The following CTNNA2 variants were observed in gnomAD, a reference collection of about 807,000 sequenced individuals.
CTNNA2 encodes the protein catenin alpha 2.
Under a neutral mutation model 101.0 loss-of-function variants are expected in CTNNA2, and 42 were observed. That is an observed-to-expected ratio of 0.42 (90% CI 0.32 to 0.54). The LOEUF (loss-of-function observed/expected upper bound fraction) is 0.54. Among genes scored for constraint, CTNNA2 ranks in the 20% least tolerant of loss-of-function variants. The pLI is 0.14. For synonymous variants in CTNNA2, 450 were observed against 456.4 expected (o/e 0.99, Z 0.18); for missense variants, 871 against 1,223.1 (o/e 0.71, Z 4.29).
At chr2:80,431,818 A>G (rs1158201016) in intron 9 of CTNNA2, among the ~76,000 whole-genome samples, 1 of 152,196 alleles carries the variant, frequency 6.6e-6, no homozygotes, top group Non-Finnish European at 1.5e-5. Flanking sequence ...GTCACATACC[A>G]AAACCTACAC....
chr2:80,329,719 T>C (rs1220049219), intron 7 of CTNNA2, among the ~76,000 whole-genome samples: 2 of 152,280 alleles, frequency 1.3e-5, no homozygotes, highest in East Asian at 3.9e-4. Context: ...ACCTTTGATG[T>C]GGTGACTTCA....
intron 2 of CTNNA2, among the ~76,000 whole-genome samples, chr2:79,654,149 T>A (rs1681449031): frequency 6.6e-6 from 1 of 152,214 alleles, no homozygotes; most frequent in Non-Finnish European, 1.5e-5. Context: ...AGATCTATAA[T>A]TTTTGTATTA....
chr2:79,857,228 A>G (rs12477220), intron 3 of CTNNA2, among the ~76,000 whole-genome samples: 33,494 of 152,174 alleles, frequency 0.22, 4,517 homozygotes, highest in Non-Finnish European at 0.31. Flanking sequence ...GCTTCCCCCC[A>G]GTCTCACAAT....
chr2:79,704,617 AT>A (rs1355145766), intron 2 of CTNNA2, among the ~76,000 whole-genome samples: 3 of 145,958 alleles, frequency 2.1e-5, no homozygotes, highest in Non-Finnish European at 4.5e-5. Flanking sequence ...GGTTCACGCC[AT>A]TCTCCTGCCT....
intron 9 of CTNNA2, among the ~76,000 whole-genome samples, chr2:80,476,803 G>A (rs1049708633): frequency 1.3e-5 from 2 of 152,102 alleles, no homozygotes; most frequent in Middle Eastern, 3.2e-3. Flanking sequence ...ATGAAATACA[G>A]CTAATTACAT....
chr2:80,203,527 A>G (rs1707341742), intron 7 of CTNNA2, among the ~76,000 whole-genome samples: 1 of 152,010 alleles, frequency 6.6e-6, no homozygotes, highest in Non-Finnish European at 1.5e-5. Context: ...ATCTCTTTTG[A>G]CTCCATGTCT....
intron 7 of CTNNA2, among the ~76,000 whole-genome samples, chr2:80,120,133 A>G (rs1475461716): frequency 6.6e-6 from 1 of 152,160 alleles, no homozygotes; most frequent in African/African-American, 2.4e-5. Context: ...TTTTTTAACA[A>G]TCATTTTAAT....
chr2:80,368,867 G>GTGTATATATATA (rs112571951), intron 7 of CTNNA2, among the ~76,000 whole-genome samples: 130 of 144,760 alleles, frequency 9.0e-4, no homozygotes, highest in African/African-American at 2.6e-3. Flanking sequence ...GTGTGTGTGT[G>GTGTATATATATA]TATATATATA....
chr2:80,553,808 G>A (rs1692790983), intron 11 of CTNNA2, among the ~76,000 whole-genome samples: 2 of 152,224 alleles, frequency 1.3e-5, no homozygotes. Flanking sequence ...TTTACATTTA[G>A]AATTCTCTGT....
chr2:80,627,629 T>G (rs1027226261), intron 18 of CTNNA2, among the ~76,000 whole-genome samples: 3 of 152,166 alleles, frequency 2.0e-5, no homozygotes, highest in African/African-American at 7.2e-5. Context: ...ATGGATAGAT[T>G]GCAAAAATTT....
intron 9 of CTNNA2, among the ~76,000 whole-genome samples, chr2:80,530,390 C>G (rs564392279): frequency 6.6e-6 from 1 of 152,118 alleles, no homozygotes; most frequent in African/African-American, 2.4e-5. Context: ...GCTTCCAGCT[C>G]GGGAGAGACT....
chr2:79,600,761 C>A (rs932881385), intron 1 of CTNNA2, among the ~76,000 whole-genome samples: 3 of 152,068 alleles, frequency 2.0e-5, no homozygotes, highest in Non-Finnish European at 4.4e-5. Flanking sequence ...GCTGTTAAGG[C>A]CAAGATGAAG....
At chr2:79,641,548 A>G (rs890774829) in intron 1 of CTNNA2, among the ~76,000 whole-genome samples, 3 of 152,184 alleles carry the variant, frequency 2.0e-5, no homozygotes, top group African/African-American at 7.2e-5. Flanking sequence ...GATAATAAGC[A>G]AGTTGAACAA....
intron 4 of CTNNA2, among the ~76,000 whole-genome samples, chr2:79,473,617 A>G (rs1671023846): frequency 6.6e-6 from 1 of 152,202 alleles, no homozygotes; most frequent in African/African-American, 2.4e-5. Context: ...AATGTAATGA[A>G]AGGAAAAAGT....
chr2:79,727,066 C>T (rs1162748889), intron 2 of CTNNA2, among the ~76,000 whole-genome samples: 1 of 152,176 alleles, frequency 6.6e-6, no homozygotes, highest in Non-Finnish European at 1.5e-5. Flanking sequence ...GCTTAGCAAA[C>T]CCAAGACTTC....
chr2:80,329,602 AAGG>A (rs1671138510), intron 7 of CTNNA2, among the ~76,000 whole-genome samples: 1 of 152,164 alleles, frequency 6.6e-6, no homozygotes, highest in African/African-American at 2.4e-5. Flanking sequence ...GGTGGGAAGT[AAGG>A]AGAATACCTA....
chr2:80,099,146 T>C (rs1700375819), intron 7 of CTNNA2, among the ~76,000 whole-genome samples: 1 of 151,878 alleles, frequency 6.6e-6, no homozygotes, highest in Non-Finnish European at 1.5e-5. Flanking sequence ...CCATCTTGAC[T>C]CCACCCCCCG....
At chr2:79,291,027 C>G (rs1454029223) in intron 2 of CTNNA2, among the ~76,000 whole-genome samples, 1 of 152,146 alleles carries the variant, frequency 6.6e-6, no homozygotes, top group East Asian at 1.9e-4. Flanking sequence ...GGGGTCAGAA[C>G]CCCACGACCT....
rs113728578 is a variant in CTNNA2 at position 79,957,347 on chromosome 2, C to G, written c.1056+47550C>G. ...TCTACAGAAAGCATCTTCCATGTCT[C>G]TTTGCTTACCAGCATCCTGTTGGGT... On this transcript the variant is annotated intron_variant, in intron 7 of 18. Transcript: ENST00000402739. Among the ~76,000 whole-genome samples the G allele has an allele frequency of 5.7e-3, 863 of 152,298 alleles. 4 individuals carry two copies. Among genetic ancestry groups the G allele is most frequent in the Middle Eastern group, 0.014 (4 of 294 alleles).
Sources: allele counts gnomAD v4.1 joint callset (sites outside exome capture counted in the v4.1 genomes callset), GRCh38; gene constraint gnomAD v4.1.1; transcripts MANE v1.5; gene names NCBI Gene and HGNC (gene_info 2026-07-23, HGNC 2026-07-21).